Variants in ARFGAP2 observed in about 807,000 individuals in gnomAD.
ARFGAP2 encodes the protein ARF GTPase activating protein 2.
A neutral mutation model predicts 71.9 loss-of-function variants in ARFGAP2; 45 were observed. The ratio of observed to expected loss-of-function variants is 0.63; its 90% CI spans 0.49 to 0.80. The LOEUF (loss-of-function observed/expected upper bound fraction) is 0.80, where lower values mean the gene tolerates loss of function less well. Among genes scored for constraint, ARFGAP2 ranks in the 30% least tolerant of loss-of-function variants. The pLI is 0.00. For missense variants in ARFGAP2, 633 were observed against 673.9 expected (o/e 0.94, Z 0.67); for synonymous variants, 248 against 249.2 (o/e 1.00, Z 0.05).
intron 8 of ARFGAP2, 84 bp from the exon 9 acceptor site, chr11:47,171,884 C>G (rs1952614947): frequency 6.5e-7 from 1 of 1,548,840 alleles, no homozygotes; most frequent in African/African-American, 1.4e-5. Context: ...GCCACACCCA[C>G]AAGGAAAAGG....
rs568686676 is a variant in ARFGAP2 at position 47,167,937 on chromosome 11, T to A, written c.1177A>T (p.Ile393Phe). 5.6e-6 allele frequency: 9 copies of A among 1,613,018 alleles called. No homozygotes were observed. Among genetic ancestry groups the A allele is most frequent in the African/African-American group, 5.3e-5 (4 of 74,828 alleles). ...TCTGAAATAGGCCGGATGCTTGAGA[T>A]GGTCACTTCTGGCTCCTTCTCCTCT... ...RVEEKEPEVT[I>F]SSIRPISERA... The change falls in exon 12 of 16, where the codon ATC becomes TTC. Residue 393 changes from isoleucine to phenylalanine, a missense_variant. Physicochemically the swap from Ile to Phe is conservative, Grantham distance 21 (BLOSUM62 0). Transcript: ENST00000524782.
At chr11:47,167,792 A>G in intron 12 of ARFGAP2, 117 bp downstream of exon 12, 2 of 1,303,892 alleles carry the variant, frequency 1.5e-6, no homozygotes, top group East Asian at 2.5e-5. Flanking sequence ...TAAACAACAC[A>G]GAGAACATTC....
rs760827770 is a variant in ARFGAP2 at position 47,171,667 on chromosome 11, G to A, written c.806C>T (p.Ser269Phe). The change falls in exon 9 of 16, where the codon TCC (serine) becomes TTC (phenylalanine). Residue 269 changes from serine to phenylalanine, a missense_variant. Ser to Phe is a radical substitution (Grantham distance 155). Coordinates refer to ENST00000524782, the MANE Select transcript of ARFGAP2 (RefSeq NM_032389.6). ...GGCCCCGGCAGCAAACACTTACATGGACTCCTCCGCCTGCTTCTTGGCATC... is the reference window on the plus strand; with the variant it reads ...GGCCCCGGCAGCAAACACTTACATGAACTCCTCCGCCTGCTTCTTGGCATC... Reference protein sequence around the residue: ...AADAKKQAEESMVASMRLAYQ... With the variant: ...AADAKKQAEEFMVASMRLAYQ... 1.2e-6 allele frequency: 2 copies of A among 1,613,592 alleles called. No individual in the cohort carries two copies. Among genetic ancestry groups the A allele is most frequent in the African/African-American group, 2.7e-5 (2 of 74,914 alleles).
Position 47,175,385 on chromosome 11 carries a change from A to T in ARFGAP2, c.265-72T>A, listed in dbSNP as rs767341698. On this transcript the variant is annotated intron_variant, in intron 3 of 15. Transcript: ENST00000524782. ...GAAGGAAACGTGTTGGCTGTAGGAG[A>T]CATCTCCTTATGACAGCGAAGTTAT... 3 of 1,605,084 alleles carry T rather than the reference A, an allele frequency of 1.9e-6. No individual in the cohort carries two copies. The South Asian group carries it at 3.3e-5, about 18-fold the overall frequency.
Sources: gnomAD v4.1 joint callset for allele counts on GRCh38, gnomAD v4.1.1 for gene constraint, MANE v1.5 for transcripts, NCBI Gene and HGNC (gene_info 2026-07-23, HGNC 2026-07-21) for gene names.